The following ZNF385D variants were observed in gnomAD, a reference collection of about 807,000 sequenced individuals.
ZNF385D encodes the protein zinc finger protein 385D, also known as zinc finger protein 659.
ZNF385D carries 15 observed loss-of-function variants against 35.8 expected under a neutral mutation model. That is an observed-to-expected ratio of 0.42 (90% CI 0.28 to 0.64). The LOEUF (loss-of-function observed/expected upper bound fraction) is 0.64. Ranked by LOEUF, ZNF385D falls within the 30% of genes least tolerant of loss-of-function variation. The probability of loss-of-function intolerance (pLI) is 0.23; values close to 1 mark genes in which losing one functional copy is unlikely to be tolerated. For missense variants in ZNF385D, 474 were observed against 494.6 expected (o/e 0.96, Z 0.39); for synonymous variants, 212 against 186.8 (o/e 1.13, Z -1.10).
intron 2 of ZNF385D, among the ~76,000 whole-genome samples, chr3:22,232,518 T>G (rs1698954202): frequency 4.6e-5 from 7 of 152,142 alleles, no homozygotes. Context: ...TAGGTATTTC[T>G]CCTAATGCTA....
chr3:22,318,954 G>A (rs562404944), intron 2 of ZNF385D, among the ~76,000 whole-genome samples: 1 of 152,088 alleles, frequency 6.6e-6, no homozygotes, highest in African/African-American at 2.4e-5. Flanking sequence ...TGAGAAAGTA[G>A]CATACTTTGC....
At chr3:21,809,834 T>G (rs2072831524) in intron 3 of ZNF385D, among the ~76,000 whole-genome samples, 1 of 151,682 alleles carries the variant, frequency 6.6e-6, no homozygotes, top group African/African-American at 2.4e-5. Flanking sequence ...AACCAGAATA[T>G]AAACCAAAAG....
At chr3:22,344,129 T>C (rs1695544614) in intron 2 of ZNF385D, among the ~76,000 whole-genome samples, 1 of 151,596 alleles carries the variant, frequency 6.6e-6, no homozygotes, top group Non-Finnish European at 1.5e-5. Flanking sequence ...CCATTTGGCC[T>C]CTTGTGTTTT....
At chr3:21,841,008 C>T (rs1695638521) in intron 3 of ZNF385D, among the ~76,000 whole-genome samples, 1 of 151,888 alleles carries the variant, frequency 6.6e-6, no homozygotes. Flanking sequence ...CAAACTGAGG[C>T]TCCTGGTGAA....
chr3:21,796,591 A>G (rs2072163751), intron 3 of ZNF385D, among the ~76,000 whole-genome samples: 2 of 152,210 alleles, frequency 1.3e-5, no homozygotes, highest in South Asian at 4.1e-4. Context: ...AGACCTTCAG[A>G]CCTTACACTT....
chr3:21,437,701 C>CAAAAAAAAAA (rs751739275), intron 4 of ZNF385D, among the ~76,000 whole-genome samples: 6,920 of 76,946 alleles, frequency 0.09, 1,277 homozygotes, highest in Middle Eastern at 0.11. Flanking sequence ...AATGCTTATA[C>CAAAAAAAAAA]AAAAAAAAAA....
At chr3:21,423,313 A>T (rs1700831366) in intron 7 of ZNF385D, among the ~76,000 whole-genome samples, 1 of 152,236 alleles carries the variant, frequency 6.6e-6, no homozygotes, top group Admixed American at 6.5e-5. Context: ...TCTATTTTGT[A>T]TAAATGTTTC....
chr3:21,633,818 C>T lies in ZNF385D; in HGVS notation c.165+31068G>A, dbSNP rs144180466. Among the ~76,000 whole-genome samples, 710 of 152,026 alleles carry T rather than the reference C, an allele frequency of 4.7e-3. 6 individuals are homozygous for T. Among genetic ancestry groups the T allele is most frequent in the African/African-American group, 0.015 (609 of 41,498 alleles). On this transcript the variant is annotated intron_variant, in intron 2 of 7. Transcript: ENST00000281523. Reference sequence around the variant, plus strand: ...AATGTATACATTGCTTTATTTATAACGTATTTATAAACCTAATAAATCTAT... The same window carrying T: ...AATGTATACATTGCTTTATTTATAATGTATTTATAAACCTAATAAATCTAT...
chr3:21,771,012 T>C (rs994709386), intron 3 of ZNF385D, among the ~76,000 whole-genome samples: 1 of 148,844 alleles, frequency 6.7e-6, no homozygotes, highest in African/African-American at 2.5e-5. Flanking sequence ...ACACCACATG[T>C]TCTCACTCAT....
At chr3:21,709,618 G>A (rs1023308675) in intron 1 of ZNF385D, among the ~76,000 whole-genome samples, 1 of 152,008 alleles carries the variant, frequency 6.6e-6, no homozygotes, top group African/African-American at 2.4e-5. Flanking sequence ...AACACCTCAA[G>A]GTTAAATAAA....
chr3:22,097,395 A>C (rs1024248535), intron 3 of ZNF385D, among the ~76,000 whole-genome samples: 1 of 152,038 alleles, frequency 6.6e-6, no homozygotes, highest in Non-Finnish European at 1.5e-5. Context: ...TGGGAGTCTA[A>C]GATTCTTAGA....
Position 21,602,755 on chromosome 3 carries a change from G to T in ZNF385D, c.166-38071C>A, listed in dbSNP as rs572147811. ...TCACCTTGTTAGCCAGGATGGTCTC[G>T]ATCTCCTAACCTCATGATCCACCCG... On this transcript the variant is annotated intron_variant, in intron 2 of 7. Transcript: ENST00000281523. Among the ~76,000 whole-genome samples, 661 of 150,470 alleles carry T rather than the reference G, an allele frequency of 4.4e-3. 3 individuals are homozygous for T. The highest frequency in any genetic ancestry group is 7.7e-3 in the Non-Finnish European group (525 of 67,760).
At chr3:21,803,902 T>C (rs1366756379) in intron 3 of ZNF385D, among the ~76,000 whole-genome samples, 1 of 152,220 alleles carries the variant, frequency 6.6e-6, no homozygotes, top group African/African-American at 2.4e-5. Context: ...CTGCATTCAA[T>C]GTCTGTGGCG....
chr3:22,039,752 A>T (rs1170406626), intron 3 of ZNF385D, among the ~76,000 whole-genome samples: 1 of 152,146 alleles, frequency 6.6e-6, no homozygotes, highest in African/African-American at 2.4e-5. Flanking sequence ...CTATTGCTTA[A>T]AAAAGAGTTC....
chr3:21,635,464 C>T (rs1487558568), intron 2 of ZNF385D, among the ~76,000 whole-genome samples: 1 of 152,012 alleles, frequency 6.6e-6, no homozygotes, highest in Non-Finnish European at 1.5e-5. Flanking sequence ...TGACCTGGAC[C>T]AAACTTCATA....
intron 3 of ZNF385D, among the ~76,000 whole-genome samples, chr3:22,100,863 TA>T (rs1415227368): frequency 2.0e-5 from 3 of 151,512 alleles, no homozygotes; most frequent in African/African-American, 7.3e-5. Flanking sequence ...GAAAATCACA[TA>T]AAAAATAAAA....
intron 3 of ZNF385D, among the ~76,000 whole-genome samples, chr3:22,106,446 G>A (rs1272134764): frequency 3.3e-5 from 5 of 152,144 alleles, no homozygotes; most frequent in African/African-American, 1.2e-4. Flanking sequence ...ACAATACAGA[G>A]TACCTGACTG....
intron 2 of ZNF385D, among the ~76,000 whole-genome samples, chr3:22,249,102 C>T (rs371431527): frequency 6.6e-6 from 1 of 152,238 alleles, no homozygotes; most frequent in East Asian, 1.9e-4. Context: ...CCATTCAAGT[C>T]TCCACAGCTG....
intron 2 of ZNF385D, among the ~76,000 whole-genome samples, chr3:21,634,669 TA>T (rs969790894): frequency 3.9e-5 from 6 of 152,074 alleles, no homozygotes; most frequent in Non-Finnish European, 7.4e-5. Context: ...AACTACATAA[TA>T]TAACGTTCCT....
Sources: allele counts gnomAD v4.1 joint callset (sites outside exome capture counted in the v4.1 genomes callset), GRCh38; gene constraint gnomAD v4.1.1; transcripts MANE v1.5; gene names NCBI Gene and HGNC (gene_info 2026-07-23, HGNC 2026-07-21).